MYO9A: variants seen among roughly 807,000 people sequenced by gnomAD.
MYO9A encodes the protein myosin IXA.
MYO9A carries 103 observed loss-of-function variants against 293.3 expected under a neutral mutation model. The observed-to-expected ratio is 0.35, with a 90% CI of 0.30 to 0.41. MYO9A has a LOEUF of 0.41. Ranked by LOEUF, MYO9A falls within the 10% of genes least tolerant of loss-of-function variation. The pLI is 1.00. For missense variants in MYO9A, 2,685 were observed against 3,033.0 expected, an observed-to-expected ratio of 0.89 and a Z score of 2.69; for synonymous variants, 1,001 against 1,035.7, an observed-to-expected ratio of 0.97 and a Z score of 0.64.
At chr15:71,840,913 G>A (rs552670004) in intron 39 of MYO9A, among the ~76,000 whole-genome samples, 43 of 152,352 alleles carry the variant, frequency 2.8e-4, no homozygotes, top group Admixed American at 9.8e-4. Context: ...TTACAGGCGT[G>A]AGCCGCCGTG....
intron 6 of MYO9A, among the ~76,000 whole-genome samples, chr15:72,014,176 C>T (rs2077254893): frequency 6.6e-6 from 1 of 152,182 alleles, no homozygotes; most frequent in Non-Finnish European, 1.5e-5. Context: ...CAGCAAGCAG[C>T]ATTGGCTCAC....
intron 1 of MYO9A, among the ~76,000 whole-genome samples, chr15:72,090,925 G>A (rs1027266339): frequency 6.6e-6 from 1 of 150,874 alleles, no homozygotes; most frequent in Non-Finnish European, 1.5e-5. Flanking sequence ...ACTTTGGGAG[G>A]CTGAGGTGGG....
At chr15:72,112,186 A>T (rs573038045) in intron 1 of MYO9A, among the ~76,000 whole-genome samples, 173 of 152,346 alleles carry the variant, frequency 1.1e-3, no homozygotes, top group Non-Finnish European at 1.8e-3. Flanking sequence ...GAGAAAAAGT[A>T]TGCTCCAAAA....
chr15:71,852,306 G>A (rs758984876), intron 35 of MYO9A, 46 bp from the exon 36 acceptor site: 1 of 1,517,422 alleles, frequency 6.6e-7, no homozygotes, highest in Non-Finnish European at 9.0e-7. Flanking sequence ...AACATGCAAA[G>A]AGATTCAAAT....
At chr15:72,077,753 AT>A (rs1294657261) in intron 1 of MYO9A, among the ~76,000 whole-genome samples, 2,653 of 33,288 alleles carry the variant, frequency 0.08, 53 homozygotes, top group Middle Eastern at 0.17. Context: ...AAAAAAAAAA[AT>A]ATATATATAT....
Position 71,826,437 on chromosome 15 carries a change from C to CACAT in MYO9A, c.*139_*142dup. On this transcript the variant is annotated 3_prime_UTR_variant, in exon 42 of 42. Transcript: ENST00000356056. ...TTCTGCAGGAGGCCCAGGAATTCAG[C>CACAT]ACATACAGTCTTAGCCATATGCTTA... The CACAT allele has an allele frequency of 1.3e-6, 1 of 777,498 alleles. No individual in the cohort carries two copies. The highest frequency in any genetic ancestry group is 2.0e-6 in the Non-Finnish European group (1 of 509,064). The allele number at this position is 777,498 out of a possible 1,614,324, so 48.2% of individuals were successfully genotyped here.
chr15:71,849,935 C>CTGGATTTA, intron 38 of MYO9A, 101 bp downstream of exon 38: 1 of 944,210 alleles, frequency 1.1e-6, no homozygotes, highest in Non-Finnish European at 1.5e-6. Flanking sequence ...TTAAAAACAC[C>CTGGATTTA]TGAATTTATG....
chr15:71,878,796 G>A (rs570998692), intron 30 of MYO9A, among the ~76,000 whole-genome samples: 3 of 141,872 alleles, frequency 2.1e-5, no homozygotes, highest in East Asian at 4.2e-4. Flanking sequence ...ACCCAGGCTG[G>A]AGTGCAGTGG....
At chr15:71,833,422 G>A (rs1056930498) in intron 39 of MYO9A, among the ~76,000 whole-genome samples, 3 of 152,088 alleles carry the variant, frequency 2.0e-5, no homozygotes, top group Admixed American at 2.0e-4. Context: ...TTCATATTAT[G>A]AAGAATAACA....
At chr15:71,940,305 G>A (rs934999749) in intron 15 of MYO9A, among the ~76,000 whole-genome samples, 2 of 152,114 alleles carry the variant, frequency 1.3e-5, no homozygotes, top group Non-Finnish European at 2.9e-5. Context: ...GACAAGCCTG[G>A]GCAACATGCT....
chr15:71,830,573 CT>C (rs1427898016), intron 39 of MYO9A, among the ~76,000 whole-genome samples: 1 of 152,164 alleles, frequency 6.6e-6, no homozygotes, highest in Non-Finnish European at 1.5e-5. Context: ...TGAGTTTCTT[CT>C]TTTAATATAA....
rs1004596330 is a variant in MYO9A at position 72,060,563 on chromosome 15, T to C, written c.-71-13929A>G. ...AGCACAGAGATTGTGGGACTTTGCATTGAAACTCAGTGCTGCCCCGTCACA... is the reference window on the plus strand; with the variant it reads ...AGCACAGAGATTGTGGGACTTTGCACTGAAACTCAGTGCTGCCCCGTCACA... On this transcript the variant is annotated intron_variant, in intron 1 of 41. Coordinates refer to ENST00000356056, the MANE Select transcript of MYO9A (RefSeq NM_006901.4). 2.6e-5 allele frequency among the ~76,000 whole-genome samples: 4 copies of C among 152,194 alleles called. No homozygotes were observed. In the East Asian group the frequency reaches 5.8e-4, roughly 22 times the overall value.
Position 71,823,681 on chromosome 15 carries a change from T to C in MYO9A, c.*2899A>G, listed in dbSNP as rs1440540111. 6.6e-6 allele frequency: 1 copy of C among 152,242 alleles called. No individual in the cohort carries two copies. Among genetic ancestry groups the C allele is most frequent in the African/African-American group, 2.4e-5 (1 of 41,456 alleles). 9.4% of individuals were successfully genotyped at this position (152,242 alleles called of 1,614,324 possible). Reference sequence around the variant, plus strand: ...TGTTACATTTTCCATAATAAGTACATACTAAATTACAGGGATACATTCACT... The same window carrying C: ...TGTTACATTTTCCATAATAAGTACACACTAAATTACAGGGATACATTCACT... On this transcript the variant is annotated 3_prime_UTR_variant, in exon 42 of 42. Transcript: ENST00000356056.
At chr15:72,049,580 C>G (rs1220411518) in intron 1 of MYO9A, among the ~76,000 whole-genome samples, 1 of 152,196 alleles carries the variant, frequency 6.6e-6, no homozygotes, top group Non-Finnish European at 1.5e-5. Context: ...CTGGGCCGCA[C>G]AGCAGAAGAT....
intron 39 of MYO9A, among the ~76,000 whole-genome samples, chr15:71,840,515 A>G (rs1363526181): frequency 1.3e-5 from 2 of 152,246 alleles, no homozygotes; most frequent in Non-Finnish European, 2.9e-5. Flanking sequence ...CCTAGTGGGT[A>G]TTGAAACAAT....
chr15:71,898,187 A>G lies in MYO9A; in HGVS notation c.4316T>C (p.Ile1439Thr). ...ATTTTCCAATAGTTTGTTTCTTTGG[A>G]TACTTGTGTCTAGTTGGGAATTTGT... ...LKTNSQLDTS[I>T]QRNKLLENED... The change falls in exon 25 of 42, where the codon ATC becomes ACC. Residue 1439 changes from isoleucine to threonine, a missense_variant. Transcript: ENST00000356056. The G allele has an allele frequency of 6.2e-7, 1 of 1,614,028 alleles. No individual in the cohort carries two copies. The highest frequency in any genetic ancestry group is 8.5e-7 in the Non-Finnish European group (1 of 1,180,006).
chr15:72,101,702 C>G (rs2080336055), intron 1 of MYO9A, among the ~76,000 whole-genome samples: 2 of 134,074 alleles, frequency 1.5e-5, no homozygotes, highest in South Asian at 2.4e-4. Context: ...GGGGGTCAGC[C>G]CCCCGCCCGG....
At chr15:71,900,140 AAATAAG>A in intron 23 of MYO9A, 134 bp from the exon 24 acceptor site, 6 of 995,466 alleles carry the variant, frequency 6.0e-6, no homozygotes, top group Non-Finnish European at 8.5e-6. Flanking sequence ...TGGTGATTAA[AAATAAG>A]TTTTCTGGCC....
intron 1 of MYO9A, among the ~76,000 whole-genome samples, chr15:72,048,861 T>C (rs1431146938): frequency 6.6e-6 from 1 of 152,262 alleles, no homozygotes; most frequent in African/African-American, 2.4e-5. Context: ...TGTTGGCTTT[T>C]AAAAATTACA....
Sources: gnomAD v4.1 joint callset for allele counts (sites outside exome capture counted in the v4.1 genomes callset) on GRCh38, gnomAD v4.1.1 for gene constraint, MANE v1.5 for transcripts, NCBI Gene and HGNC (gene_info 2026-07-23, HGNC 2026-07-21) for gene names.